Variants in EXTL3 observed in about 807,000 individuals in gnomAD.
EXTL3 encodes the protein exostosin like glycosyltransferase 3.
EXTL3 carries 27 observed loss-of-function variants against 69.3 expected under a neutral mutation model. That is an observed-to-expected ratio of 0.39 (90% confidence interval 0.29 to 0.54). EXTL3 has a LOEUF of 0.54. EXTL3 is among the 20% of genes least tolerant of loss of function. EXTL3 has a pLI of 0.69. For synonymous variants in EXTL3, 511 were observed against 499.4 expected, an observed-to-expected ratio of 1.02 and a Z score of -0.31; for missense variants, 1,003 against 1,231.8, an observed-to-expected ratio of 0.81 and a Z score of 2.78.
At chr8:28,624,097 A>G (rs1806457048) in intron 1 of EXTL3, among the ~76,000 whole-genome samples, 1 of 152,234 alleles carries the variant, frequency 6.6e-6, no homozygotes, top group African/African-American at 2.4e-5. Context: ...CAGGGAAAGG[A>G]GATAAGTCTC....
chr8:28,720,436 G>A (rs1054821336), intron 3 of EXTL3, among the ~76,000 whole-genome samples: 1 of 152,252 alleles, frequency 6.6e-6, no homozygotes, highest in Non-Finnish European at 1.5e-5. Flanking sequence ...ACAGGCATAA[G>A]TGCTGGGTGT....
chr8:28,642,894 A>G (rs1448972162), intron 1 of EXTL3, among the ~76,000 whole-genome samples: 4 of 152,126 alleles, frequency 2.6e-5, no homozygotes, highest in Non-Finnish European at 4.4e-5. Flanking sequence ...ACTTTTATAT[A>G]AATGTTGAGT....
At chr8:28,617,807 TA>T (rs968445814), upstream of EXTL3, among the ~76,000 whole-genome samples, 2 of 151,352 alleles carry the variant, frequency 1.3e-5, no homozygotes, top group African/African-American at 4.9e-5. Context: ...TCAACAACAA[TA>T]AAAAAAACAA....
chr8:28,671,003 C>T (rs572624466), intron 1 of EXTL3, among the ~76,000 whole-genome samples: 8 of 150,886 alleles, frequency 5.3e-5, no homozygotes, highest in Admixed American at 6.6e-5. Flanking sequence ...TTTTTTGAGA[C>T]GGAGTCTTGC....
At chr8:28,661,906 G>A (rs926008790) in intron 1 of EXTL3, among the ~76,000 whole-genome samples, 1 of 149,774 alleles carries the variant, frequency 6.7e-6, no homozygotes, top group South Asian at 2.1e-4. Flanking sequence ...TAAAATAAAA[G>A]ATAAAATATA....
intron 1 of EXTL3, among the ~76,000 whole-genome samples, chr8:28,681,681 C>A (rs1421568891): frequency 6.6e-6 from 1 of 152,110 alleles, no homozygotes; most frequent in East Asian, 1.9e-4. Context: ...ATTGCTGGGT[C>A]ATATGGTAGT....
intron 3 of EXTL3, among the ~76,000 whole-genome samples, chr8:28,719,633 A>G (rs938046233): frequency 1.3e-5 from 2 of 152,198 alleles, no homozygotes; most frequent in Non-Finnish European, 2.9e-5. Context: ...TGTATTTTGT[A>G]TATTAAGTTT....
chr8:28,616,499 C>A (rs1437814090), intron 2 of EXTL3, among the ~76,000 whole-genome samples: 1 of 152,182 alleles, frequency 6.6e-6, no homozygotes, highest in South Asian at 2.1e-4. Flanking sequence ...TGGTGGCGGG[C>A]GCCTGCAGTC....
chr8:28,647,928 G>T (rs905877723), intron 1 of EXTL3, among the ~76,000 whole-genome samples: 1 of 144,570 alleles, frequency 6.9e-6, no homozygotes, highest in Non-Finnish European at 1.5e-5. Context: ...GCACTAGATG[G>T]GTTGGGGGTG....
intron 6 of EXTL3, among the ~76,000 whole-genome samples, chr8:28,748,293 C>T (rs140485665): frequency 6.6e-6 from 1 of 151,696 alleles, no homozygotes; most frequent in Non-Finnish European, 1.5e-5. Flanking sequence ...ATGGCATAAA[C>T]CTGGGAGGCG....
chr8:28,743,873 A>G (rs1013972270), intron 6 of EXTL3: 3 of 157,300 alleles, frequency 1.9e-5, no homozygotes, highest in African/African-American at 7.2e-5. Flanking sequence ...GAGTTAATAT[A>G]TGTAAAGCTC....
intron 1 of EXTL3, among the ~76,000 whole-genome samples, chr8:28,663,392 A>C (rs759131917): frequency 9.9e-5 from 15 of 152,144 alleles, no homozygotes; most frequent in African/African-American, 2.4e-5. Flanking sequence ...AATTCCTTTC[A>C]AACTGTTGGT....
At chr8:28,688,315 T>G (rs1800559105) in intron 1 of EXTL3, among the ~76,000 whole-genome samples, 1 of 152,164 alleles carries the variant, frequency 6.6e-6, no homozygotes, top group African/African-American at 2.4e-5. Flanking sequence ...TCCGTCCACC[T>G]TGGCCTCCTA....
chr8:28,731,134 G>T, intron 3 of EXTL3, 89 bp from the exon 4 acceptor site: 1 of 1,535,766 alleles, frequency 6.5e-7, no homozygotes, highest in East Asian at 2.2e-5. Flanking sequence ...AGTAAATCCA[G>T]CCATGGTCTC....
chr8:28,703,536 C>T (rs75670894), intron 1 of EXTL3, among the ~76,000 whole-genome samples: 6 of 152,142 alleles, frequency 3.9e-5, no homozygotes, highest in Non-Finnish European at 7.4e-5. Flanking sequence ...GGCCCTAGGC[C>T]AGCTGTGGAT....
chr8:28,624,638 G>T lies in EXTL3; in HGVS notation c.-53+1828G>T, dbSNP rs1806464277. Among the ~76,000 whole-genome samples the T allele has an allele frequency of 2.6e-5, 4 of 152,152 alleles. No homozygotes were observed. In the South Asian group the frequency reaches 8.3e-4, roughly 32 times the overall value. On this transcript the variant is annotated intron_variant, in intron 1 of 6. Transcript: ENST00000523149. ...AAAGATTAAAAACAAGAAAAAATTAGTATATGTTAGTGATTACCATTTTGA... is the reference window on the plus strand; with the variant it reads ...AAAGATTAAAAACAAGAAAAAATTATTATATGTTAGTGATTACCATTTTGA...
intron 1 of EXTL3, among the ~76,000 whole-genome samples, chr8:28,639,016 C>T (rs1430766312): frequency 1.3e-5 from 2 of 150,948 alleles, no homozygotes; most frequent in Admixed American, 6.6e-5. Flanking sequence ...TGGCTCACCA[C>T]AACCTCCAAC....
intron 1 of EXTL3, among the ~76,000 whole-genome samples, chr8:28,646,811 A>T (rs1263590357): frequency 6.6e-6 from 1 of 152,202 alleles, no homozygotes; most frequent in Non-Finnish European, 1.5e-5. Context: ...AATAGTATGA[A>T]TACATAATTG....
intron 1 of EXTL3, among the ~76,000 whole-genome samples, chr8:28,705,755 G>A (rs992549981): frequency 6.6e-5 from 10 of 152,162 alleles, no homozygotes; most frequent in Admixed American, 4.6e-4. Flanking sequence ...ATACTAAGTT[G>A]ACTGTTCTGA....
Sources: allele counts gnomAD v4.1 joint callset (sites outside exome capture counted in the v4.1 genomes callset), GRCh38; gene constraint gnomAD v4.1.1; transcripts MANE v1.5; gene names NCBI Gene and HGNC (gene_info 2026-07-23, HGNC 2026-07-21).